Variants in MED13L observed in about 807,000 individuals in gnomAD.
MED13L encodes mediator complex subunit 13L, also known as mediator of RNA polymerase II transcription subunit 13-like.
Under a neutral mutation model 220.9 loss-of-function variants are expected in MED13L, and 7 were observed. That is an observed-to-expected ratio of 0.03 (90% CI 0.02 to 0.06). The LOEUF (loss-of-function observed/expected upper bound fraction) is 0.06, where lower values mean the gene tolerates loss of function less well. Among genes scored for constraint, MED13L ranks in the 10% least tolerant of loss-of-function variants. MED13L has a pLI of 1.00. For synonymous variants in MED13L, 1,011 were observed against 1,015.2 expected (o/e 1.00, Z 0.08); for missense variants, 1,965 against 2,760.5 (o/e 0.71, Z 6.46).
At chr12:116,051,888 T>C (rs1434579942) in intron 4 of MED13L, among the ~76,000 whole-genome samples, 1 of 152,168 alleles carries the variant, frequency 6.6e-6, no homozygotes, top group African/African-American at 2.4e-5. Context: ...GGAGCCAAGC[T>C]GACTGATATG....
intron 4 of MED13L, among the ~76,000 whole-genome samples, chr12:116,047,838 G>C (rs1411597458): frequency 1.3e-5 from 2 of 152,160 alleles, no homozygotes; most frequent in Non-Finnish European, 2.9e-5. Flanking sequence ...TAGAAGCTGA[G>C]GTAGGTTTCC....
rs1441823598 is a variant in MED13L at position 116,017,113 on chromosome 12, GTGTT to G, written c.1010-1843_1010-1840del. 2.6e-5 allele frequency among the ~76,000 whole-genome samples: 4 copies of G among 152,280 alleles called. No individual in the cohort carries two copies. In the South Asian group the frequency reaches 6.2e-4, roughly 24 times the overall value. ...ATCGGCAGCTTTTGTTCAGTTGTGT[GTGTT>G]TGTTTTAAGGAATAAGGCGACATCA... On this transcript the variant is annotated intron_variant, in intron 7 of 30. Transcript: ENST00000281928.
intron 9 of MED13L, among the ~76,000 whole-genome samples, 185 bp downstream of exon 9, chr12:116,012,612 T>TTAA (rs1879480161): frequency 6.6e-6 from 1 of 152,178 alleles, no homozygotes; most frequent in African/African-American, 2.4e-5. Flanking sequence ...GGGCCGATTG[T>TTAA]CTAACAAACT....
intron 4 of MED13L, 85 bp from the exon 5 acceptor site, chr12:116,022,686 C>T (rs1479575834): frequency 1.4e-6 from 2 of 1,414,468 alleles, no homozygotes; most frequent in African/African-American, 1.4e-5. Context: ...AGATACAGCT[C>T]TACTTTATCA....
rs763939921 is a variant in MED13L, at chr12:115,991,526, G to A, written c.3428C>T (p.Ala1143Val). The A allele has an allele frequency of 6.2e-7, 1 of 1,614,104 alleles. No homozygotes were observed. Among genetic ancestry groups the A allele is most frequent in the Non-Finnish European group, 8.5e-7 (1 of 1,180,014 alleles). Residue 1143 changes from alanine to valine, a missense_variant, in exon 17 of 31, where the codon GCG becomes GTG. Physicochemically the swap from Ala to Val is moderately conservative, Grantham distance 64. Transcript: ENST00000281928. The surrounding 1 kb of genome is among the most constrained non-coding windows in gnomAD (Gnocchi z 7.7). ...ATCGGGGATGTAAAGCCCGACATCCGCCCCTTTGATGTTCATGTTGCAGGC... is the reference window on the plus strand; with the variant it reads ...ATCGGGGATGTAAAGCCCGACATCCACCCCTTTGATGTTCATGTTGCAGGC... ...ICACNMNIKG[A>V]DVGLYIPDSS...
chr12:116,088,750 G>A (rs550783681), intron 4 of MED13L, among the ~76,000 whole-genome samples: 6 of 150,920 alleles, frequency 4.0e-5, no homozygotes, highest in South Asian at 4.2e-4. Flanking sequence ...GGGAGGGGAG[G>A]GGAGGGGAGA....
chr12:116,091,968 TC>T (rs1872254715), intron 4 of MED13L, among the ~76,000 whole-genome samples: 1 of 151,990 alleles, frequency 6.6e-6, no homozygotes, highest in Non-Finnish European at 1.5e-5. Flanking sequence ...TTTCACACAA[TC>T]CCCAAATATA....
At chr12:116,228,806 CTTTTCTTCAAT>C (rs1869260508) in intron 2 of MED13L, among the ~76,000 whole-genome samples, 1 of 152,146 alleles carries the variant, frequency 6.6e-6, no homozygotes, top group Non-Finnish European at 1.5e-5. Flanking sequence ...ATATTTAAAC[CTTTTCTTCAAT>C]TTTCCACATT....
intron 2 of MED13L, among the ~76,000 whole-genome samples, chr12:116,137,832 T>C (rs557855438): frequency 6.6e-6 from 1 of 151,868 alleles, no homozygotes; most frequent in South Asian, 2.1e-4. Context: ...TTGTTACTTT[T>C]ATACCTTTAT....
At chr12:116,081,684 T>C (rs1387103977) in intron 4 of MED13L, among the ~76,000 whole-genome samples, 1 of 152,110 alleles carries the variant, frequency 6.6e-6, no homozygotes, top group African/African-American at 2.4e-5. Context: ...CCGGGAAACA[T>C]AATGAGACCC....
chr12:116,241,306 T>C (rs1214593351), intron 1 of MED13L, among the ~76,000 whole-genome samples: 2 of 127,372 alleles, frequency 1.6e-5, no homozygotes, highest in Non-Finnish European at 3.4e-5. Flanking sequence ...TCCGTCTCTT[T>C]AAAAAAAAAA....
At chr12:116,215,798 T>G (rs1011890562) in intron 2 of MED13L, among the ~76,000 whole-genome samples, 1 of 152,120 alleles carries the variant, frequency 6.6e-6, no homozygotes. Context: ...ACTGCATCTT[T>G]CCAAGAATGA....
chr12:116,242,048 CTTTTTTT>C (rs767214989), intron 1 of MED13L, among the ~76,000 whole-genome samples: 10 of 106,650 alleles, frequency 9.4e-5, no homozygotes, highest in African/African-American at 2.8e-4. Flanking sequence ...GTTCTTTTGT[CTTTTTTT>C]TTTTTTTTTT....
intron 4 of MED13L, among the ~76,000 whole-genome samples, chr12:116,083,097 C>T (rs148867338): frequency 6.6e-6 from 1 of 152,224 alleles, no homozygotes; most frequent in East Asian, 1.9e-4. Context: ...CAGTCATTTA[C>T]ATTTATTATC....
chr12:116,164,293 A>T (rs1055335643), intron 2 of MED13L, among the ~76,000 whole-genome samples: 1 of 152,226 alleles, frequency 6.6e-6, no homozygotes, highest in Non-Finnish European at 1.5e-5. Flanking sequence ...AAATGTATTT[A>T]AACAATCTCA....
At chr12:116,205,532 G>GAAAAAAAAAAAAAAAAAGAAAAA in intron 2 of MED13L, among the ~76,000 whole-genome samples, 1 of 94,030 alleles carries the variant, frequency 1.1e-5, no homozygotes, top group Non-Finnish European at 2.1e-5. Flanking sequence ...CAAAGGAAGA[G>GAAAAAAAAAAAAAAAAAGAAAAA]AAAAAAAAAA....
chr12:116,214,398 T>C (rs189064594), intron 2 of MED13L, among the ~76,000 whole-genome samples: 3 of 152,246 alleles, frequency 2.0e-5, no homozygotes, highest in African/African-American at 7.2e-5. Context: ...AATTCTTTTC[T>C]AAGAAACCTT....
chr12:116,135,773 T>A (rs1372438638), intron 2 of MED13L, among the ~76,000 whole-genome samples: 2 of 152,206 alleles, frequency 1.3e-5, no homozygotes, highest in East Asian at 1.9e-4. Flanking sequence ...GAAACTTTAG[T>A]ATAAGTCAAT....
intron 2 of MED13L, chr12:116,230,458 C>G: frequency 1.0e-6 from 1 of 983,348 alleles, no homozygotes. Flanking sequence ...TGATACCAAT[C>G]TAAAATACTA....
Sources: gnomAD v4.1 joint callset for allele counts (sites outside exome capture counted in the v4.1 genomes callset) on GRCh38, gnomAD v4.1.1 for gene constraint, Gnocchi (gnomAD v3.1) non-coding constraint, MANE v1.5 for transcripts, NCBI Gene and HGNC (gene_info 2026-07-23, HGNC 2026-07-21) for gene names.